KAT6B: variants seen among roughly 807,000 people sequenced by gnomAD.
KAT6B encodes the protein histone acetyltransferase KAT6B.
In KAT6B, 10 loss-of-function variants were observed where a neutral mutation model predicts 187.5. The observed-to-expected ratio is 0.05, with a 90% CI of 0.03 to 0.09. The LOEUF is 0.09. Ranked by LOEUF, KAT6B falls within the 10% of genes least tolerant of loss-of-function variation. KAT6B has a pLI of 1.00. For synonymous variants in KAT6B, 861 were observed against 926.8 expected, an observed-to-expected ratio of 0.93 and a Z score of 1.29; for missense variants, 1,952 against 2,558.9, an observed-to-expected ratio of 0.76 and a Z score of 5.12.
At chr10:74,858,618 G>A (rs1213724689) in intron 3 of KAT6B, among the ~76,000 whole-genome samples, 1 of 151,950 alleles carries the variant, frequency 6.6e-6, no homozygotes, top group Non-Finnish European at 1.5e-5. Flanking sequence ...TTGTAGAGAA[G>A]GGTCTTTCAT....
chr10:75,000,216 A>G (rs983620382), intron 13 of KAT6B, among the ~76,000 whole-genome samples: 3 of 151,926 alleles, frequency 2.0e-5, no homozygotes, highest in Admixed American at 1.3e-4. Context: ...AAAACAAAAC[A>G]AAAGCTTGAC....
intron 3 of KAT6B, among the ~76,000 whole-genome samples, chr10:74,856,591 A>C (rs751356536): frequency 6.6e-6 from 1 of 151,990 alleles, no homozygotes; most frequent in African/African-American, 2.4e-5. Flanking sequence ...CAGAGTAAAC[A>C]TTTTTGACAA....
chr10:74,976,349 C>G lies in KAT6B; in HGVS notation c.1993+19C>G. On this transcript the variant is annotated intron_variant, in intron 8 of 17. Coordinates refer to ENST00000287239, the MANE Select transcript of KAT6B (RefSeq NM_012330.4). ...GATGATGGTAAGCAAAAGGTCAAAG[C>G]TCCAACCAAACCTGCGTCCCGTCCC... 1 of 1,603,328 alleles carries G rather than the reference C, an allele frequency of 6.2e-7. No homozygotes were observed. The highest frequency in any genetic ancestry group is 8.5e-7 in the Non-Finnish European group (1 of 1,174,088).
At chr10:74,825,910 C>T (rs956027377), upstream of KAT6B, among the ~76,000 whole-genome samples, 12 of 150,894 alleles carry the variant, frequency 8.0e-5, 1 homozygote, top group Middle Eastern at 3.4e-3. This position sits in a 1 kb window ranked among gnomAD's most constrained non-coding sequence, Gnocchi z 5.0. Flanking sequence ...CGAGTAGTCG[C>T]CCGGGACGGG....
chr10:74,969,981 G>T (rs779388867), intron 5 of KAT6B, 39 bp from the exon 6 acceptor site: 16 of 1,478,052 alleles, frequency 1.1e-5, no homozygotes, highest in Admixed American at 8.4e-5. Flanking sequence ...TTTACAGTTG[G>T]TTTCAGTCTC....
rs114973087 is a variant in KAT6B at position 75,025,460 on chromosome 10, G to A, written c.3664+211G>A. On this transcript the variant is annotated intron_variant, in intron 17 of 17. Transcript: ENST00000287239. Reference sequence around the variant, plus strand: ...TTATGTTAAACAACTTCTAAGGCCAGAACATTCCTCTAGGTGGGTTCATCT... The same window carrying A: ...TTATGTTAAACAACTTCTAAGGCCAAAACATTCCTCTAGGTGGGTTCATCT... 2.3e-3 allele frequency: 1,264 copies of A among 544,512 alleles called. 9 individuals carry two copies. The highest frequency in any genetic ancestry group is 0.021 in the African/African-American group (1,122 of 52,982). 33.7% of individuals were successfully genotyped at this position (544,512 alleles called of 1,614,324 possible). A position where few individuals can be genotyped will look rare whatever the true frequency, so the allele number is the denominator to read the frequency against.
intron 3 of KAT6B, among the ~76,000 whole-genome samples, chr10:74,902,034 G>A (rs546771032): frequency 1.3e-5 from 2 of 151,880 alleles, no homozygotes; most frequent in African/African-American, 2.4e-5. Context: ...CCACCCATCC[G>A]TCCCTGCTTT....
At position 75,029,562 on chromosome 10, in the gene KAT6B, C is replaced by G. The variant is rs140322278; in HGVS notation, c.4738C>G (p.Gln1580Glu). 6.2e-7 allele frequency: 1 copy of G among 1,614,108 alleles called. No homozygotes were observed. The highest frequency in any genetic ancestry group is 1.3e-5 in the African/African-American group (1 of 75,004). The change falls in exon 18 of 18, where the codon CAA becomes GAA. Residue 1580 changes from glutamine to glutamate, a missense_variant. Around this residue, in one of 9 missense-constraint regions of KAT6B, gnomAD observed 758 missense variants for 891.4 expected, o/e 0.85. Transcript: ENST00000287239. This position sits in a 1 kb window ranked among gnomAD's most constrained non-coding sequence, Gnocchi z 6.2. ...CCTACAGAACTACACCCGTGCAGAC[C>G]AAAGTCCACAGATTGCCACCACGCT... is the stretch of plus-strand genomic sequence containing the variant. ...RSLQNYTRAD[Q>E]SPQIATTLDD...
At chr10:74,863,462 A>C (rs1195832929) in intron 3 of KAT6B, among the ~76,000 whole-genome samples, 2 of 152,228 alleles carry the variant, frequency 1.3e-5, no homozygotes, top group Non-Finnish European at 2.9e-5. Context: ...TTCCCATAGA[A>C]TAGATTACTA....
Position 75,029,810 on chromosome 10 carries a change from C to T in KAT6B, c.4986C>T (p.Val1662=), listed in dbSNP as rs756476408. The T allele has an allele frequency of 3.1e-6, 5 of 1,614,164 alleles. No individual in the cohort carries two copies. Among genetic ancestry groups the T allele is most frequent in the East Asian group, 2.2e-5 (1 of 44,882 alleles). ...CAGTTTCAGATCATTCACAGCAAGT[C>T]GTAGACAGTGGATTTAGTGACCTGG... ...VPSVSDHSQQ[V]VDSGFSDLGS... The change falls in exon 18 of 18, where the codon GTC becomes GTT. Residue 1662 remains valine, a synonymous_variant. Transcript: ENST00000287239. This position sits in a 1 kb window ranked among gnomAD's most constrained non-coding sequence, Gnocchi z 6.2.
chr10:74,917,297 A>C (rs1043096153), intron 3 of KAT6B, among the ~76,000 whole-genome samples: 1 of 152,222 alleles, frequency 6.6e-6, no homozygotes, highest in African/African-American at 2.4e-5. Context: ...ACAGTTATAA[A>C]AAAATTATCA....
At chr10:75,017,794 A>G (rs1481593536) in intron 13 of KAT6B, among the ~76,000 whole-genome samples, 2 of 152,248 alleles carry the variant, frequency 1.3e-5, no homozygotes, top group African/African-American at 2.4e-5. Context: ...AGTGGACATG[A>G]CACACACTTT....
rs373786628 is a variant in KAT6B at position 74,951,903 on chromosome 10, G to A, written c.622-8067G>A. On this transcript the variant is annotated intron_variant, in intron 3 of 17. Transcript: ENST00000287239. ...CAACTTCAGAGCAGTTTATTCATTT[G>A]TTTATTCATTTATTCAATAGATACA... Among the ~76,000 whole-genome samples, 93 of 152,232 alleles carry A rather than the reference G, an allele frequency of 6.1e-4. No homozygotes were observed. In the South Asian group the frequency reaches 0.019, roughly 31 times the overall value.
chr10:74,842,295 C>G lies in KAT6B; in HGVS notation c.-258-305C>G, dbSNP rs1841799911. Among the ~76,000 whole-genome samples, 5 of 151,972 alleles carry G rather than the reference C, an allele frequency of 3.3e-5. No individual in the cohort carries two copies. The South Asian group carries it at 1.0e-3, about 32-fold the overall frequency. Reference sequence around the variant, plus strand: ...TTTTATGTTTATGGCAGACATATACCTCAAACCACTTTCATATAATTTTGT... The same window carrying G: ...TTTTATGTTTATGGCAGACATATACGTCAAACCACTTTCATATAATTTTGT... On this transcript the variant is annotated intron_variant, in intron 2 of 17. Coordinates refer to ENST00000287239, the MANE Select transcript of KAT6B (RefSeq NM_012330.4).
chr10:74,838,786 A>G (rs1841501661), intron 2 of KAT6B, 34 bp downstream of exon 2: 1 of 152,216 alleles, frequency 6.6e-6, no homozygotes, highest in Non-Finnish European at 1.5e-5. Flanking sequence ...TTTTTAAGGT[A>G]TAAAATGACA....
chr10:74,986,589 C>G (rs771784887), intron 12 of KAT6B, among the ~76,000 whole-genome samples: 3 of 152,092 alleles, frequency 2.0e-5, no homozygotes, highest in Non-Finnish European at 4.4e-5. Flanking sequence ...AAAACTGTCT[C>G]AGTGTTTTAA....
At chr10:74,988,642 A>T (rs1842954250) in intron 12 of KAT6B, among the ~76,000 whole-genome samples, 2 of 152,204 alleles carry the variant, frequency 1.3e-5, no homozygotes, top group Non-Finnish European at 2.9e-5. Context: ...TAGCCAGCTA[A>T]ATCCTAACTT....
chr10:74,830,351 T>C (rs1840657511), intron 1 of KAT6B, among the ~76,000 whole-genome samples: 1 of 152,170 alleles, frequency 6.6e-6, no homozygotes, highest in South Asian at 2.1e-4. Flanking sequence ...AGCATTCCTA[T>C]ACCTGTCATC....
intron 3 of KAT6B, among the ~76,000 whole-genome samples, chr10:74,848,380 C>T (rs926037777): frequency 3.3e-5 from 5 of 152,076 alleles, no homozygotes; most frequent in Non-Finnish European, 7.4e-5. Flanking sequence ...TGGCACACGC[C>T]TATAATCCCA....
Sources: gnomAD v4.1 joint callset for allele counts (sites outside exome capture counted in the v4.1 genomes callset) on GRCh38, gnomAD v4.1.1 for gene constraint, gnomAD v4.1.1 regional missense constraint, Gnocchi (gnomAD v3.1) non-coding constraint, MANE v1.5 for transcripts, NCBI Gene and HGNC (gene_info 2026-07-23, HGNC 2026-07-21) for gene names.